The following KCND3 variants were observed in gnomAD, a reference collection of about 807,000 sequenced individuals.
KCND3 encodes the protein A-type voltage-gated potassium channel KCND3.
KCND3 carries 9 observed loss-of-function variants against 51.1 expected under a neutral mutation model. The ratio of observed to expected loss-of-function variants is 0.18; its 90% CI spans 0.11 to 0.31. KCND3 has a LOEUF of 0.31. Ranked by LOEUF, KCND3 falls within the 10% of genes least tolerant of loss-of-function variation. The pLI is 1.00. For missense variants in KCND3, 526 were observed against 903.8 expected, an observed-to-expected ratio of 0.58 and a Z score of 5.36; for synonymous variants, 349 against 368.0, an observed-to-expected ratio of 0.95 and a Z score of 0.59.
Position 111,832,322 on chromosome 1 carries a change from G to A in KCND3, c.1107-45216C>T, listed in dbSNP as rs367910269. On this transcript the variant is annotated intron_variant, in intron 2 of 7. Coordinates refer to ENST00000302127, the MANE Select transcript of KCND3 (RefSeq NM_001378969.1). ...TGTAACTCCGAGAGAAGCCTGGGAC[G>A]TTGGGTGACAATGTGGACCAGATCT... Among the ~76,000 whole-genome samples, 40 of 152,296 alleles carry A rather than the reference G, an allele frequency of 2.6e-4. No homozygotes were observed. In the South Asian group the frequency reaches 7.5e-3, roughly 28 times the overall value.
At chr1:111,942,796 T>C (rs1252728911) in intron 2 of KCND3, among the ~76,000 whole-genome samples, 1 of 152,182 alleles carries the variant, frequency 6.6e-6, no homozygotes, top group Non-Finnish European at 1.5e-5. Context: ...GAAGGAACTA[T>C]AGCATTTCCA....
chr1:111,795,948 C>CT (rs1332360223), intron 2 of KCND3, among the ~76,000 whole-genome samples: 1 of 152,164 alleles, frequency 6.6e-6, no homozygotes, highest in Non-Finnish European at 1.5e-5. Context: ...TGATGTTGAA[C>CT]TTTTTTTCCT....
chr1:111,865,897 G>A (rs1668539107), intron 2 of KCND3, among the ~76,000 whole-genome samples: 1 of 151,988 alleles, frequency 6.6e-6, no homozygotes, highest in African/African-American at 2.4e-5. Context: ...GTAGAGATGG[G>A]GTTTCACCAT....
At chr1:111,943,631 G>T (rs1672636430) in intron 2 of KCND3, among the ~76,000 whole-genome samples, 1 of 152,160 alleles carries the variant, frequency 6.6e-6, no homozygotes, top group Non-Finnish European at 1.5e-5. Context: ...CGTGTTGCTG[G>T]GTCATGCCTC....
intron 2 of KCND3, among the ~76,000 whole-genome samples, chr1:111,963,435 A>T (rs1193416329): frequency 2.6e-5 from 4 of 152,214 alleles, no homozygotes; most frequent in Admixed American, 2.0e-4. Context: ...TTGACAAGTT[A>T]CTTAATCTCT....
chr1:111,932,469 A>G (rs1672023589), intron 2 of KCND3, among the ~76,000 whole-genome samples: 1 of 152,098 alleles, frequency 6.6e-6, no homozygotes, highest in African/African-American at 2.4e-5. Flanking sequence ...ACCACTATCC[A>G]TCTTCAGAAC....
intron 2 of KCND3, among the ~76,000 whole-genome samples, chr1:111,898,406 C>T (rs1365437991): frequency 1.3e-5 from 2 of 152,096 alleles, no homozygotes; most frequent in East Asian, 3.9e-4. Flanking sequence ...ATGTGCAGTA[C>T]TCAAAAAGAC....
intron 2 of KCND3, among the ~76,000 whole-genome samples, chr1:111,798,965 A>G (rs144069477): frequency 2.6e-5 from 4 of 152,202 alleles, no homozygotes; most frequent in Non-Finnish European, 4.4e-5. Context: ...AGAGGGAGGA[A>G]CATTTGCTTT....
At chr1:111,837,431 G>C (rs1667116019) in intron 2 of KCND3, among the ~76,000 whole-genome samples, 1 of 152,170 alleles carries the variant, frequency 6.6e-6, no homozygotes, top group African/African-American at 2.4e-5. Context: ...GCCCTGCTCT[G>C]TCCCATGGCT....
chr1:111,984,609 A>G (rs1485820573), intron 1 of KCND3, among the ~76,000 whole-genome samples: 1 of 152,024 alleles, frequency 6.6e-6, no homozygotes, highest in Non-Finnish European at 1.5e-5. Context: ...TTCTGATTGT[A>G]TTTTACCCCA....
intron 2 of KCND3, among the ~76,000 whole-genome samples, chr1:111,870,940 G>C (rs1433714391): frequency 6.6e-6 from 1 of 152,214 alleles, no homozygotes; most frequent in Admixed American, 6.5e-5. Flanking sequence ...TCCACACATA[G>C]GGGGATGTCA....
At chr1:111,837,795 C>T (rs148005652) in intron 2 of KCND3, among the ~76,000 whole-genome samples, 1 of 152,290 alleles carries the variant, frequency 6.6e-6, no homozygotes, top group Non-Finnish European at 1.5e-5. Context: ...CACTAACATA[C>T]TACCCTCGCC....
intron 6 of KCND3, 112 bp from the exon 7 acceptor site, chr1:111,777,385 C>T (rs1306873699): frequency 1.8e-6 from 2 of 1,138,228 alleles, no homozygotes; most frequent in Non-Finnish European, 2.6e-6. Context: ...AGGAAGGGCT[C>T]CCAGCTGCCC....
At chr1:111,881,743 C>T (rs778269613) in intron 2 of KCND3, among the ~76,000 whole-genome samples, 1 of 152,166 alleles carries the variant, frequency 6.6e-6, no homozygotes, top group Non-Finnish European at 1.5e-5. Flanking sequence ...CTCAGTTCCC[C>T]TCTCTGTAAA....
intron 5 of KCND3, among the ~76,000 whole-genome samples, chr1:111,779,348 T>C (rs1443727160): frequency 6.6e-6 from 1 of 152,142 alleles, no homozygotes; most frequent in Non-Finnish European, 1.5e-5. Flanking sequence ...CTAACATTTA[T>C]TCTCTCTACA....
In KCND3 at chr1:111,878,660, T is replaced by C. The variant is rs144586714; in HGVS notation, c.1107-91554A>G. Among the ~76,000 whole-genome samples, 1,001 of 152,352 alleles carry C rather than the reference T, an allele frequency of 6.6e-3. 10 individuals are homozygous for C. The highest frequency in any genetic ancestry group is 0.023 in the African/African-American group (952 of 41,582). ...CCAAGGGAAAGGGCGACCTCATTAG[T>C]GGAGCTAAGAGGATGCTGTAAGCAC... On this transcript the variant is annotated intron_variant, in intron 2 of 7. Coordinates refer to ENST00000302127, the MANE Select transcript of KCND3 (RefSeq NM_001378969.1).
rs558574722 is a variant in KCND3, at chr1:111,927,159, G to T, written c.1106+54462C>A. ...TTAAATATGGGCCCTGAGTCACACA[G>T]CTGGGAATGTCAGAGCACAGATTTA... On this transcript the variant is annotated intron_variant, in intron 2 of 7. Transcript: ENST00000302127. 3.9e-5 allele frequency among the ~76,000 whole-genome samples: 6 copies of T among 152,340 alleles called. No homozygotes were observed. The East Asian group carries it at 1.2e-3, about 29-fold the overall frequency.
chr1:111,904,095 G>GT (rs11327926), intron 2 of KCND3, among the ~76,000 whole-genome samples: 21 of 128,084 alleles, frequency 1.6e-4, no homozygotes, highest in South Asian at 4.9e-4. Context: ...TTGGTTTTTT[G>GT]TTTTTTTTTT....
At chr1:111,869,043 T>C (rs1306280153) in intron 2 of KCND3, among the ~76,000 whole-genome samples, 1 of 152,118 alleles carries the variant, frequency 6.6e-6, no homozygotes, top group Admixed American at 6.5e-5. Context: ...CCAAGGCCTG[T>C]CCCCTTAAGC....
Sources: gnomAD v4.1 joint callset for allele counts (sites outside exome capture counted in the v4.1 genomes callset) on GRCh38, gnomAD v4.1.1 for gene constraint, MANE v1.5 for transcripts, NCBI Gene and HGNC (gene_info 2026-07-23, HGNC 2026-07-21) for gene names.